Variants in MFSD12 observed in about 807,000 individuals in gnomAD.
MFSD12 encodes the protein major facilitator superfamily domain-containing protein 12.
MFSD12 carries 67 observed loss-of-function variants against 51.2 expected under a neutral mutation model. The observed-to-expected ratio is 1.31, with a 90% CI of 1.08 to 1.60. The LOEUF is 1.60. MFSD12 is among the 40% of genes most tolerant of loss of function. The probability of loss-of-function intolerance (pLI) is 0.00; values close to 1 mark genes in which losing one functional copy is unlikely to be tolerated. For synonymous variants in MFSD12, 441 were observed against 316.7 expected, an observed-to-expected ratio of 1.39 and a Z score of -4.17; for missense variants, 921 against 673.0, an observed-to-expected ratio of 1.37 and a Z score of -4.08.
intron 2 of MFSD12, among the ~76,000 whole-genome samples, chr19:3,549,663 C>T (rs550247591): frequency 8.8e-4 from 129 of 145,914 alleles, no homozygotes; most frequent in African/African-American, 3.2e-3. Context: ...GCAGAGGTTG[C>T]AGTGAGCCGA....
intron 1 of MFSD12, among the ~76,000 whole-genome samples, chr19:3,554,124 AGAAAGAAGGGTAGT>A (rs2031619828): frequency 6.6e-6 from 1 of 151,838 alleles, no homozygotes; most frequent in African/African-American, 2.4e-5. Context: ...AAAAAAGAAG[AGAAAGAAGGGTAGT>A]GAAAGTTCCT....
In MFSD12 at chr19:3,552,657, G is replaced by C. The variant is rs184743020; in HGVS notation, c.299-1463C>G. Among the ~76,000 whole-genome samples the C allele has an allele frequency of 2.1e-3, 320 of 151,268 alleles. 2 individuals are homozygous for C. Among genetic ancestry groups the C allele is most frequent in the Non-Finnish European group, 1.4e-3 (98 of 67,818 alleles). On this transcript the variant is annotated intron_variant, in intron 1 of 9. Transcript: ENST00000355415. ...ATCCCACCACATCCAGCTAATGTTT[G>C]TATTTTTGGTAGGGATGGGGTTTCA...
At chr19:3,539,960 C>T (rs565168357), downstream of MFSD12, 1 of 152,160 alleles carries the variant, frequency 6.6e-6, no homozygotes, top group African/African-American at 2.4e-5. Context: ...AGAAATTAAA[C>T]CAAGATGGTG....
chr19:3,544,953 C>T lies in MFSD12; in HGVS notation c.1290-14G>A, dbSNP rs376694244. 2.2e-5 allele frequency: 35 copies of T among 1,598,302 alleles called. No homozygotes were observed. The highest frequency in any genetic ancestry group is 2.7e-5 in the African/African-American group (2 of 74,620). ...CAGAGCTCTGAGCTGTGGGAGGAGG[C>T]GGGGGATGAGTAGGCACCGCGGGTA... On this transcript the variant is annotated splice_polypyrimidine_tract_variant and intron_variant, in intron 8 of 9. Coordinates refer to ENST00000355415, the MANE Select transcript of MFSD12 (RefSeq NM_174983.5).
chr19:3,545,969 G>T, intron 8 of MFSD12, 105 bp downstream of exon 8: 3 of 1,189,334 alleles, frequency 2.5e-6, no homozygotes, highest in Non-Finnish European at 3.7e-6. Context: ...AGGTGTCTTT[G>T]GTCCACAGCT....
chr19:3,546,033 T>C (rs780349426), intron 8 of MFSD12, 41 bp downstream of exon 8: 79 of 1,603,858 alleles, frequency 4.9e-5, no homozygotes, highest in Middle Eastern at 1.6e-4. Context: ...TAATCCCCTC[T>C]TACTGAACAA....
downstream of MFSD12, chr19:3,541,667 G>A (rs911738812): frequency 3.0e-6 from 3 of 985,160 alleles, no homozygotes; most frequent in African/African-American, 5.2e-5. Flanking sequence ...GCAGTGAATG[G>A]GCTCCCGCAA....
chr19:3,557,318 T>G lies in MFSD12; in HGVS notation c.86A>C (p.His29Pro), dbSNP rs758078163. 6 of 1,583,928 alleles carry G rather than the reference T, an allele frequency of 3.8e-6. No homozygotes were observed. The highest frequency in any genetic ancestry group is 5.1e-6 in the Non-Finnish European group (6 of 1,167,252). Residue 29 changes from histidine to proline, a missense_variant, in exon 1 of 10, where the codon CAC becomes CCC. Physicochemically the swap from His to Pro is moderately conservative, Grantham distance 77. Transcript: ENST00000355415. ...GGACGCGCACAGGTCGTTGAGGAAGTGGCCCACGGCGTAGCTCAGCCGCGC... is the reference window on the plus strand; with the variant it reads ...GGACGCGCACAGGTCGTTGAGGAAGGGGCCCACGGCGTAGCTCAGCCGCGC... ...LVARLSYAVG[H>P]FLNDLCASMW...
In MFSD12 at chr19:3,546,462, G is replaced by A. The variant is rs781738126; in HGVS notation, c.1024-37C>T. On this transcript the variant is annotated intron_variant, in intron 6 of 9. Coordinates refer to ENST00000355415, the MANE Select transcript of MFSD12 (RefSeq NM_174983.5). ...GCCCCGGGGTCAGGCCCACACCACTGGGTGCCCCCAAGCCTGGCGCTTCAA... is the reference window on the plus strand; with the variant it reads ...GCCCCGGGGTCAGGCCCACACCACTAGGTGCCCCCAAGCCTGGCGCTTCAA... 5.7e-6 allele frequency: 9 copies of A among 1,574,314 alleles called. No homozygotes were observed. In the South Asian group the frequency reaches 9.3e-5, roughly 16 times the overall value.
chr19:3,548,688 C>T (rs926928467), intron 2 of MFSD12, among the ~76,000 whole-genome samples: 10 of 152,184 alleles, frequency 6.6e-5, no homozygotes, highest in East Asian at 5.8e-4. Flanking sequence ...CAGAGTCCCC[C>T]GGGGGGCCTC....
chr19:3,543,844 G>A (rs368547478), downstream of MFSD12: 133 of 1,537,940 alleles, frequency 8.6e-5, 1 homozygote, highest in African/African-American at 7.3e-4. Flanking sequence ...AACAGGAACC[G>A]GTACGGGGTG....
At chr19:3,539,305 C>CTCCT (rs781364308), downstream of MFSD12, 3 of 1,238,848 alleles carry the variant, frequency 2.4e-6, no homozygotes, top group African/African-American at 4.5e-5. Context: ...CCCTCCCTCC[C>CTCCT]TCCCTCCCTG....
intron 8 of MFSD12, 111 bp downstream of exon 8, chr19:3,545,963 G>A: frequency 9.1e-7 from 1 of 1,103,928 alleles, no homozygotes; most frequent in Non-Finnish European, 1.4e-6. Context: ...TGGGGCAGGT[G>A]TCTTTGGTCC....
Position 3,547,205 on chromosome 19 carries a change from G to T in MFSD12, c.1023+67C>A, listed in dbSNP as rs137947837. 8.0e-6 allele frequency: 11 copies of T among 1,376,106 alleles called. No individual in the cohort carries two copies. The Admixed American group carries it at 1.8e-4, about 23-fold the overall frequency. The allele number at this position is 1,376,106 out of a possible 1,614,324, so 85.2% of individuals were successfully genotyped here. On this transcript the variant is annotated intron_variant, in intron 6 of 9. Coordinates refer to ENST00000355415, the MANE Select transcript of MFSD12 (RefSeq NM_174983.5). ...AGCATCCGAGGATGGAACCCGGAGC[G>T]GGTGGGATCTCGGCTGCAGGGCACC...
In MFSD12 at chr19:3,547,349, T is replaced by C. The variant is rs779468641; in HGVS notation, c.946A>G (p.Ile316Val). 9.3e-6 allele frequency: 15 copies of C among 1,613,154 alleles called. 1 individual carries two copies. In the Admixed American group the frequency reaches 1.7e-4, roughly 18 times the overall value. The change falls in exon 6 of 10, where the codon ATT becomes GTT. Residue 316 changes from isoleucine to valine, a missense_variant. By Grantham distance (29) the Ile-to-Val change is conservative (BLOSUM62 3). Coordinates refer to ENST00000355415, the MANE Select transcript of MFSD12 (RefSeq NM_174983.5). ...LHLPKKFIAT[I>V]PLVMYLSGFL... ...CCGCTGAGGTACATCACCAGGGGAA[T>C]GGTCGCGATGAACTTCTGCGGAGGC...
Position 3,547,904 on chromosome 19 carries a change from T to G in MFSD12, c.781A>C (p.Thr261Pro). 3 of 1,569,416 alleles carry G rather than the reference T, an allele frequency of 1.9e-6. No individual in the cohort carries two copies. The highest frequency in any genetic ancestry group is 1.2e-5 in the South Asian group (1 of 85,528). The stretch of plus-strand genomic sequence containing the variant: ...TTCCAGAGCAGCAGGGGCTGGGCCG[T>G]GGCAGGGGCCAACAGGGGGGTGTGC... ...GEHTPLLAPA[T>P]AQPLLLWKHW... The change falls in exon 4 of 10, where the codon ACG becomes CCG. Residue 261 changes from threonine to proline, a missense_variant. Coordinates refer to ENST00000355415, the MANE Select transcript of MFSD12 (RefSeq NM_174983.5).
At chr19:3,550,031 G>A (rs114070528) in intron 2 of MFSD12, among the ~76,000 whole-genome samples, 3 of 151,448 alleles carry the variant, frequency 2.0e-5, no homozygotes, top group African/African-American at 7.3e-5. Flanking sequence ...GATTCTCCCT[G>A]CTGGCCTCAG....
At chr19:3,542,778 G>A (rs1490180138), downstream of MFSD12, 1 of 1,365,436 alleles carries the variant, frequency 7.3e-7, no homozygotes, top group Non-Finnish European at 9.8e-7. Flanking sequence ...CCACACACCT[G>A]GCCTAGTGGG....
chr19:3,544,632 GC>G lies in MFSD12; in HGVS notation c.*77del. The G allele has an allele frequency of 6.6e-7, 1 of 1,522,046 alleles. No individual in the cohort carries two copies. The highest frequency in any genetic ancestry group is 1.3e-5 in the South Asian group (1 of 78,678). 94.3% of individuals were successfully genotyped at this position (1,522,046 alleles called of 1,614,324 possible). A position where few individuals can be genotyped will look rare whatever the true frequency, so the allele number is the denominator to read the frequency against. On this transcript the variant is annotated 3_prime_UTR_variant, in exon 10 of 10. Transcript: ENST00000355415. ...CAGAGAAGAGTGAGGGGCAGTGGGG[GC>G]TTTTCCCCAAGGCCCTGGGGGGCAT...
Sources: allele counts gnomAD v4.1 joint callset (sites outside exome capture counted in the v4.1 genomes callset), GRCh38; gene constraint gnomAD v4.1.1; transcripts MANE v1.5; gene names NCBI Gene and HGNC (gene_info 2026-07-23, HGNC 2026-07-21).